DUSP1: variants seen among roughly 807,000 people sequenced by gnomAD.
The protein encoded by DUSP1 is dual specificity phosphatase 1.
A neutral mutation model predicts 27.4 loss-of-function variants in DUSP1; 10 were observed. That is an observed-to-expected ratio of 0.37 (90% CI 0.23 to 0.62). The LOEUF (loss-of-function observed/expected upper bound fraction) is 0.62, where lower values mean the gene tolerates loss of function less well. Ranked by LOEUF, DUSP1 falls within the 20% of genes least tolerant of loss-of-function variation. The pLI is 0.68. For synonymous variants in DUSP1, 262 were observed against 223.6 expected (o/e 1.17, Z -1.53); for missense variants, 425 against 508.1 (o/e 0.84, Z 1.57).
intron 3 of DUSP1, 77 bp downstream of exon 3, chr5:172,769,498 C>A: frequency 6.6e-7 from 1 of 1,514,456 alleles, no homozygotes; most frequent in Non-Finnish European, 9.1e-7. Context: ...ACTTCAAGCT[C>A]TTGCCACAGA....
Position 172,770,688 on chromosome 5 carries a change from G to C in DUSP1, c.265C>G (p.Arg89Gly). 7.4e-7 allele frequency: 1 copy of C among 1,359,042 alleles called. No individual in the cohort carries two copies. The allele number at this position is 1,359,042 out of a possible 1,614,324, so 84.2% of individuals were successfully genotyped here. A position where few individuals can be genotyped will look rare whatever the true frequency, so the allele number is the denominator to read the frequency against. The change falls in exon 1 of 4, where the codon CGC becomes GGC. Residue 89 changes from arginine (R) to glycine (G), a missense_variant. Transcript: ENST00000239223. ...TTGGCGCCGTCCAGGGCGGCGCTGC[G>C]CTCGTCCAGCAACACCACGGCGTGG... is the stretch of plus-strand genomic sequence containing the variant. ...AYHAVVLLDERSAALDGAKRD... is the reference protein window; with the variant it reads ...AYHAVVLLDEGSAALDGAKRD...
chr5:172,770,803 G>A lies in DUSP1; in HGVS notation c.150C>T (p.Thr50=), dbSNP rs1169679454. The change falls in exon 1 of 4, where the codon ACC becomes ACT. Residue 50 remains threonine, a synonymous_variant. Coordinates refer to ENST00000239223, the MANE Select transcript of DUSP1 (RefSeq NM_004417.4). ...CGCCCTTGGCCCGGCGCCGCACGAT[G>A]GTGCTGAAGCGCACGTTGACAGAGC... The part of the protein sequence containing the change: ...IAGSVNVRFS[T]IVRRRAKGAM... 11 of 1,513,080 alleles carry A rather than the reference G, an allele frequency of 7.3e-6. No individual in the cohort carries two copies. The highest frequency in any genetic ancestry group is 7.9e-6 in the Non-Finnish European group (9 of 1,136,342). The allele number at this position is 1,513,080 out of a possible 1,614,324, so 93.7% of individuals were successfully genotyped here. A position where few individuals can be genotyped will look rare whatever the true frequency, so the allele number is the denominator to read the frequency against.
Position 172,769,672 on chromosome 5 carries a change from G to A in DUSP1, c.636C>T (p.Asn212=). The A allele has an allele frequency of 6.2e-7, 1 of 1,614,250 alleles. No homozygotes were observed. Among genetic ancestry groups the A allele is most frequent in the Non-Finnish European group, 8.5e-7 (1 of 1,180,048 alleles). The change falls in exon 3 of 4, where the codon AAC becomes AAT. Residue 212 remains asparagine, a synonymous_variant. Coordinates refer to ENST00000239223, the MANE Select transcript of DUSP1 (RefSeq NM_004417.4). ...TGTACTGGTAGTGACCCTCAAAATG[G>A]TTGGGACAATTGGCTGAGACGTTGA... ...ALINVSANCP[N]HFEGHYQYKS...
Position 172,771,160 on chromosome 5 carries a change from G to A in DUSP1, c.-208C>T, listed in dbSNP as rs942317097. Reference sequence around the variant, plus strand: ...TCGCGGTTCCCCCGACTGCCCCTCCGACCCGCGTCGCACACACAGCCCAAA... The same window carrying A: ...TCGCGGTTCCCCCGACTGCCCCTCCAACCCGCGTCGCACACACAGCCCAAA... On this transcript the variant is annotated 5_prime_UTR_variant, in exon 1 of 4. Coordinates refer to ENST00000239223, the MANE Select transcript of DUSP1 (RefSeq NM_004417.4). 16 of 595,416 alleles carry A rather than the reference G, an allele frequency of 2.7e-5. No homozygotes were observed. The highest frequency in any genetic ancestry group is 4.1e-5 in the Non-Finnish European group (16 of 390,352). The allele number at this position is 595,416 out of a possible 1,614,324, so 36.9% of individuals were successfully genotyped here. A position where few individuals can be genotyped will look rare whatever the true frequency, so the allele number is the denominator to read the frequency against.
In DUSP1 at chr5:172,768,780, C is replaced by T. The variant is rs759059090; in HGVS notation, c.1086G>A (p.Thr362=). ...TGGCCTTTCAGCAGCTGGGAGAGGT[C>T]GTAATGGGGCTCTGAAGGTAGCTCA... ...SALSYLQSPI[T]TSPSC The change falls in exon 4 of 4, where the codon ACG becomes ACA. Residue 362 remains threonine, a synonymous_variant. Coordinates refer to ENST00000239223, the MANE Select transcript of DUSP1 (RefSeq NM_004417.4). The T allele has an allele frequency of 1.1e-5, 16 of 1,522,354 alleles. No individual in the cohort carries two copies. The highest frequency in any genetic ancestry group is 1.4e-5 in the Non-Finnish European group (16 of 1,133,654). The allele number at this position is 1,522,354 out of a possible 1,614,324, so 94.3% of individuals were successfully genotyped here. A position where few individuals can be genotyped will look rare whatever the true frequency, so the allele number is the denominator to read the frequency against.
At position 172,769,702 on chromosome 5, in the gene DUSP1, G is replaced by A. The variant is rs1484105852; in HGVS notation, c.606C>T (p.Ala202=). ...GACAATTGGCTGAGACGTTGATCAA[G>A]GCAGTGATGCCCAAGGCATCCAGCA... is the stretch of plus-strand genomic sequence containing the variant. ...KDMLDALGIT[A]LINVSANCPN... is the part of the protein sequence containing the mutation. The change falls in exon 3 of 4, where the codon GCC becomes GCT. Residue 202 remains alanine (A), a synonymous_variant. Transcript: ENST00000239223. 1.2e-6 allele frequency: 2 copies of A among 1,614,146 alleles called. No homozygotes were observed. The highest frequency in any genetic ancestry group is 2.2e-5 in the South Asian group (2 of 91,096).
chr5:172,769,087 G>T lies in DUSP1; in HGVS notation c.779C>A (p.Ala260Glu). The T allele has an allele frequency of 6.2e-7, 1 of 1,613,316 alleles. No homozygotes were observed. The highest frequency in any genetic ancestry group is 8.5e-7 in the Non-Finnish European group (1 of 1,180,000). ...AGGRVFVHCQ[A>E]GISRSATICL... ...GATGGTGGCTGACCGGGAAATGCCT[G>T]CCTGGCAGTGGACAAACACCCTTCC... The change falls in exon 4 of 4, where the codon GCA (alanine) becomes GAA (glutamate). Residue 260 changes from alanine (A) to glutamate (E), a missense_variant. Ala to Glu is a moderately radical substitution (Grantham distance 107, BLOSUM62 -1). Around this residue, in one of 3 missense-constraint regions of DUSP1, gnomAD observed 59 missense variants for 108.4 expected, o/e 0.54. Coordinates refer to ENST00000239223, the MANE Select transcript of DUSP1 (RefSeq NM_004417.4).
rs771670557 is a variant in DUSP1, at chr5:172,770,989, G to C, written c.-37C>G. On this transcript the variant is annotated 5_prime_UTR_variant, in exon 1 of 4. Coordinates refer to ENST00000239223, the MANE Select transcript of DUSP1 (RefSeq NM_004417.4). ...GCGCCCCCAGCGTGATCGGCCCTGC[G>C]GTGCTCTTTGTCTGTTCTCGGGGCC... The C allele has an allele frequency of 2.4e-5, 33 of 1,381,074 alleles. No individual in the cohort carries two copies. The East Asian group carries it at 8.8e-4, about 37-fold the overall frequency. The allele number at this position is 1,381,074 out of a possible 1,614,324, so 85.6% of individuals were successfully genotyped here.
At position 172,770,656 on chromosome 5, in the gene DUSP1, G is replaced by C. The variant is rs1361810936; in HGVS notation, c.297C>G (p.Asp99Glu). ...RSAALDGAKR[D>E]GTLALAAGAL... ...CGCCGGCCGCCAGGGCCAGGGTGCCGTCGCGCTTGGCGCCGTCCAGGGCGG... is the reference window on the plus strand; with the variant it reads ...CGCCGGCCGCCAGGGCCAGGGTGCCCTCGCGCTTGGCGCCGTCCAGGGCGG... The change falls in exon 1 of 4, where the codon GAC (aspartate) becomes GAG (glutamate). Residue 99 changes from aspartate (D) to glutamate (E), a missense_variant. Coordinates refer to ENST00000239223, the MANE Select transcript of DUSP1 (RefSeq NM_004417.4). 2.3e-6 allele frequency: 3 copies of C among 1,305,856 alleles called. No individual in the cohort carries two copies. The highest frequency in any genetic ancestry group is 6.3e-5 in the East Asian group (2 of 31,928). The allele number at this position is 1,305,856 out of a possible 1,614,324, so 80.9% of individuals were successfully genotyped here. A position where few individuals can be genotyped will look rare whatever the true frequency, so the allele number is the denominator to read the frequency against.
rs764363149 is a variant in DUSP1, at chr5:172,769,639, G to T, written c.669C>A (p.Ile223=). Residue 223 remains isoleucine (I), a synonymous_variant, in exon 3 of 4, where the codon ATC becomes ATA. Coordinates refer to ENST00000239223, the MANE Select transcript of DUSP1 (RefSeq NM_004417.4). ...CTGCCTTGTGGTTGTCCTCCACAGG[G>T]ATGCTCTTGTACTGGTAGTGACCCT... is the stretch of plus-strand genomic sequence containing the variant. ...HFEGHYQYKS[I]PVEDNHKADI... is the part of the protein sequence containing the mutation. 12 of 1,614,254 alleles carry T rather than the reference G, an allele frequency of 7.4e-6. No individual in the cohort carries two copies. Among genetic ancestry groups the T allele is most frequent in the Non-Finnish European group, 1.0e-5 (12 of 1,180,036 alleles).
rs1263516506 is a variant in DUSP1 at position 172,771,155 on chromosome 5, C to T, written c.-203G>A. ...CTTCTTCGCGGTTCCCCCGACTGCC[C>T]CTCCGACCCGCGTCGCACACACAGC... On this transcript the variant is annotated 5_prime_UTR_variant, in exon 1 of 4. Coordinates refer to ENST00000239223, the MANE Select transcript of DUSP1 (RefSeq NM_004417.4). 36 of 635,154 alleles carry T rather than the reference C, an allele frequency of 5.7e-5. No individual in the cohort carries two copies. The South Asian group carries it at 1.2e-3, about 21-fold the overall frequency. The allele number at this position is 635,154 out of a possible 1,614,324, so 39.3% of individuals were successfully genotyped here.
In DUSP1 at chr5:172,768,232, A is replaced by C. The variant is rs1011231589; in HGVS notation, c.*530T>G. ...AACATACAACTGTTGGCAACTAAAA[A>C]AAAACCCAACACTGGTATTTTCCAT... On this transcript the variant is annotated 3_prime_UTR_variant, in exon 4 of 4. Transcript: ENST00000239223. The C allele has an allele frequency of 3.9e-5, 6 of 152,688 alleles. No individual in the cohort carries two copies. Among genetic ancestry groups the C allele is most frequent in the Admixed American group, 3.9e-4 (6 of 15,280 alleles). The allele number at this position is 152,688 out of a possible 1,614,324, so 9.5% of individuals were successfully genotyped here.
In DUSP1 at chr5:172,770,323, AT is replaced by A. The variant is rs112535575; in HGVS notation, c.368-18del. 29 of 1,609,126 alleles carry A rather than the reference AT, an allele frequency of 1.8e-5. No homozygotes were observed. The highest frequency in any genetic ancestry group is 8.4e-5 in the Admixed American group (5 of 59,276). On this transcript the variant is annotated intron_variant, in intron 1 of 3. Transcript: ENST00000239223. ...CGTATCCTCCTGGGAATACAAAGAC[AT>A]TTTTTTTCCCCATTAGTGACACCGG...
Position 172,770,308 on chromosome 5 carries a change from T to C in DUSP1, c.368-2A>G. 1 of 1,610,876 alleles carries C rather than the reference T, an allele frequency of 6.2e-7. No homozygotes were observed. Among genetic ancestry groups the C allele is most frequent in the Non-Finnish European group, 8.5e-7 (1 of 1,178,740 alleles). ...AAGCCGAAAACGCTTCGTATCCTCC[T>C]GGGAATACAAAGACATTTTTTTTCC... On this transcript the variant is annotated splice_acceptor_variant, in intron 1 of 3. Coordinates refer to ENST00000239223, the MANE Select transcript of DUSP1 (RefSeq NM_004417.4). LOFTEE classifies it high-confidence loss of function.
chr5:172,769,876 GA>G, intron 2 of DUSP1, 82 bp from the exon 3 acceptor site: 1 of 1,478,390 alleles, frequency 6.8e-7, no homozygotes, highest in East Asian at 2.4e-5. Context: ...CTTTCTGCTG[GA>G]AAAGTCAATT....
In DUSP1 at chr5:172,768,740, G is replaced by A; in HGVS notation, c.*22C>T. The A allele has an allele frequency of 6.7e-7, 1 of 1,501,622 alleles. No homozygotes were observed. The highest frequency in any genetic ancestry group is 8.9e-7 in the Non-Finnish European group (1 of 1,124,694). 93.0% of individuals were successfully genotyped at this position (1,501,622 alleles called of 1,614,324 possible). A position where few individuals can be genotyped will look rare whatever the true frequency, so the allele number is the denominator to read the frequency against. Reference sequence around the variant, plus strand: ...GCATGGAGTCCCAATGGGATGTGAAGAGCCTCACCTCCCGTGGCCTTTCAG... The same window carrying A: ...GCATGGAGTCCCAATGGGATGTGAAAAGCCTCACCTCCCGTGGCCTTTCAG... On this transcript the variant is annotated 3_prime_UTR_variant, in exon 4 of 4. Transcript: ENST00000239223.
Position 172,770,383 on chromosome 5 carries a change from C to G in DUSP1, c.368-77G>C, listed in dbSNP as rs762490529. On this transcript the variant is annotated intron_variant, in intron 1 of 3. Transcript: ENST00000239223. ...ACCTTCATACAACTCCCCCACCCAC[C>G]AAGGGCTGGAAGTTTACATCGGAAA... 2.9e-5 allele frequency: 46 copies of G among 1,589,070 alleles called. No homozygotes were observed. In the South Asian group the frequency reaches 5.3e-4, roughly 18 times the overall value.
At chr5:172,769,438 A>C (rs1413663685) in intron 3 of DUSP1, 137 bp downstream of exon 3, 2 of 981,744 alleles carry the variant, frequency 2.0e-6, no homozygotes, top group Admixed American at 2.6e-5. Flanking sequence ...TTTTACAGGA[A>C]TGTTGCCCAC....
chr5:172,768,685 C>A lies in DUSP1; in HGVS notation c.*77G>T. ...AAGGACCAGCCCTCTCGAGCCCCTCCCAGAGTTATTGCATTTCTCCTCTCA... is the reference window on the plus strand; with the variant it reads ...AAGGACCAGCCCTCTCGAGCCCCTCACAGAGTTATTGCATTTCTCCTCTCA... On this transcript the variant is annotated 3_prime_UTR_variant, in exon 4 of 4. Coordinates refer to ENST00000239223, the MANE Select transcript of DUSP1 (RefSeq NM_004417.4). 2 of 1,456,452 alleles carry A rather than the reference C, an allele frequency of 1.4e-6. No homozygotes were observed. The highest frequency in any genetic ancestry group is 1.8e-6 in the Non-Finnish European group (2 of 1,101,664). 90.2% of individuals were successfully genotyped at this position (1,456,452 alleles called of 1,614,324 possible).
Sources: allele counts gnomAD v4.1 joint callset, GRCh38; gene constraint gnomAD v4.1.1; regional missense constraint gnomAD v4.1.1; transcripts MANE v1.5; gene names NCBI Gene and HGNC (gene_info 2026-07-23, HGNC 2026-07-21).